OLFM3: variants seen among roughly 807,000 people sequenced by gnomAD.
OLFM3 encodes noelin-3.
In OLFM3, 20 loss-of-function variants were observed where a neutral mutation model predicts 48.6. That is an observed-to-expected ratio of 0.41 (90% CI 0.29 to 0.60). The LOEUF (loss-of-function observed/expected upper bound fraction) is 0.60, where lower values mean the gene tolerates loss of function less well. OLFM3 is among the 20% of genes least tolerant of loss of function. The pLI, the probability that OLFM3 is intolerant of heterozygous loss-of-function variation, is 0.28. For synonymous variants in OLFM3, 222 were observed against 198.1 expected (o/e 1.12, Z -1.01); for missense variants, 437 against 544.3 (o/e 0.80, Z 1.96).
At chr1:101,814,854 T>C (rs919595878) in intron 4 of OLFM3, among the ~76,000 whole-genome samples, 1 of 152,178 alleles carries the variant, frequency 6.6e-6, no homozygotes, top group Non-Finnish European at 1.5e-5. Context: ...GTTAAGTACT[T>C]AAGAAATAAT....
At chr1:101,835,214 G>A (rs1468074422) in intron 2 of OLFM3, among the ~76,000 whole-genome samples, 1 of 152,140 alleles carries the variant, frequency 6.6e-6, no homozygotes, top group African/African-American at 2.4e-5. Flanking sequence ...AAGCAAAATT[G>A]GATGTAAAAG....
At chr1:101,876,739 C>A (rs1054092150) in intron 1 of OLFM3, among the ~76,000 whole-genome samples, 2 of 151,690 alleles carry the variant, frequency 1.3e-5, no homozygotes, top group Non-Finnish European at 2.9e-5. Context: ...ATAATAATCA[C>A]CCTACCTGAA....
rs1657290069 is a variant in OLFM3 at position 101,876,122 on chromosome 1, G to C, written c.70-39097C>G. ...GATGCCTTAGATCAGCAATTCCTAAGGACCTCTCTGTTTAAAATTTATTTT... is the reference window on the plus strand; with the variant it reads ...GATGCCTTAGATCAGCAATTCCTAACGACCTCTCTGTTTAAAATTTATTTT... On this transcript the variant is annotated intron_variant, in intron 1 of 5. Transcript: ENST00000370103. 2.0e-5 allele frequency among the ~76,000 whole-genome samples: 3 copies of C among 152,018 alleles called. 1 individual carries two copies. The South Asian group carries it at 6.2e-4, about 32-fold the overall frequency.
In OLFM3 at chr1:101,839,977, G is replaced by A. The variant is rs186612641; in HGVS notation, c.70-2952C>T. Among the ~76,000 whole-genome samples the A allele has an allele frequency of 1.4e-3, 211 of 152,270 alleles. 1 individual carries two copies. Among genetic ancestry groups the A allele is most frequent in the African/African-American group, 5.0e-3 (206 of 41,560 alleles). The stretch of plus-strand genomic sequence containing the variant: ...GGAAAAAACCTAATAGAAAAGATGA[G>A]TGCTTGACAGTCCTGTGGGTTTTGA... On this transcript the variant is annotated intron_variant, in intron 1 of 5. Coordinates refer to ENST00000370103, the MANE Select transcript of OLFM3 (RefSeq NM_058170.4).
In OLFM3 at chr1:101,805,966, A is replaced by G. The variant is rs528796610; in HGVS notation, c.699+110T>C. The G allele has an allele frequency of 1.9e-5, 12 of 644,346 alleles. No homozygotes were observed. The South Asian group carries it at 2.7e-4, about 14-fold the overall frequency. The allele number at this position is 644,346 out of a possible 1,614,324, so 39.9% of individuals were successfully genotyped here. On this transcript the variant is annotated intron_variant, in intron 5 of 5. Transcript: ENST00000370103. ...AACAGAAAATATTTGCAAATTATGT[A>G]CCAGTTTTCAAGTACAAACAAATAT...
chr1:101,953,804 T>C (rs1165500741), intron 1 of OLFM3, among the ~76,000 whole-genome samples: 1 of 152,094 alleles, frequency 6.6e-6, no homozygotes, highest in Non-Finnish European at 1.5e-5. Context: ...CTGTGACCCA[T>C]GTGTCCAACA....
intron 5 of OLFM3, among the ~76,000 whole-genome samples, chr1:101,805,328 C>T (rs1653718385): frequency 6.6e-6 from 1 of 151,762 alleles, no homozygotes; most frequent in Admixed American, 6.6e-5. Flanking sequence ...AATGTATAGT[C>T]TAGTTTTTCG....
intron 1 of OLFM3, among the ~76,000 whole-genome samples, chr1:101,925,701 T>A (rs998929751): frequency 1.3e-4 from 20 of 151,842 alleles, no homozygotes; most frequent in African/African-American, 4.6e-4. Flanking sequence ...TAATTCTTTT[T>A]TTTTTTTGGT....
At chr1:101,860,310 A>G (rs1656599419) in intron 1 of OLFM3, among the ~76,000 whole-genome samples, 1 of 152,164 alleles carries the variant, frequency 6.6e-6, no homozygotes, top group African/African-American at 2.4e-5. Flanking sequence ...AACTAAAAAA[A>G]TAAAAATAAT....
intron 1 of OLFM3, among the ~76,000 whole-genome samples, chr1:101,978,367 A>T (rs982677442): frequency 1.2e-4 from 19 of 152,120 alleles, no homozygotes; most frequent in African/African-American, 4.6e-4. Flanking sequence ...AGTAAATGAA[A>T]TTTTCAGTAG....
At chr1:101,844,391 T>C (rs990128542) in intron 1 of OLFM3, among the ~76,000 whole-genome samples, 6 of 151,946 alleles carry the variant, frequency 3.9e-5, no homozygotes, top group African/African-American at 1.5e-4. Flanking sequence ...CTGAGCAGGG[T>C]AGTGAGAACC....
chr1:101,959,866 C>T (rs760711881), intron 1 of OLFM3, among the ~76,000 whole-genome samples: 2 of 152,140 alleles, frequency 1.3e-5, no homozygotes, highest in African/African-American at 2.4e-5. Context: ...TTTATAATTT[C>T]CCACGAGAAA....
chr1:101,864,442 C>T (rs1161783128), intron 1 of OLFM3, among the ~76,000 whole-genome samples: 1 of 152,154 alleles, frequency 6.6e-6, no homozygotes, highest in African/African-American at 2.4e-5. Context: ...AAGTAATCTT[C>T]AACTTGAAAG....
chr1:101,995,999 A>G (rs1661546388), intron 1 of OLFM3, among the ~76,000 whole-genome samples: 2 of 152,136 alleles, frequency 1.3e-5, no homozygotes, highest in South Asian at 4.1e-4. Context: ...CTTTTTATCA[A>G]AGGAGTTTAG....
intron 1 of OLFM3, among the ~76,000 whole-genome samples, chr1:101,894,489 A>G (rs941964131): frequency 1.2e-4 from 18 of 152,180 alleles, no homozygotes; most frequent in African/African-American, 3.6e-4. Context: ...TTTAATCCAG[A>G]TAATTTAAAC....
intron 1 of OLFM3, among the ~76,000 whole-genome samples, chr1:101,984,943 A>C (rs988188716): frequency 1.4e-4 from 22 of 152,254 alleles, no homozygotes; most frequent in African/African-American, 4.8e-4. Context: ...TTAGAACAAC[A>C]CAAATTTATT....
At chr1:101,920,098 T>C (rs1245564640) in intron 1 of OLFM3, among the ~76,000 whole-genome samples, 3 of 152,188 alleles carry the variant, frequency 2.0e-5, no homozygotes, top group Admixed American at 2.0e-4. Flanking sequence ...TTACCACCAT[T>C]TATCTCTCAC....
intron 1 of OLFM3, among the ~76,000 whole-genome samples, chr1:101,906,946 G>A (rs1332179967): frequency 6.6e-6 from 1 of 152,086 alleles, no homozygotes; most frequent in Non-Finnish European, 1.5e-5. Context: ...AGAAGTCTTT[G>A]ATTAGGATAA....
chr1:101,845,290 A>T (rs1020411042), intron 1 of OLFM3, among the ~76,000 whole-genome samples: 1 of 152,236 alleles, frequency 6.6e-6, no homozygotes, highest in East Asian at 1.9e-4. Context: ...ACAATTTTTC[A>T]ATCAGTAAGT....
Sources: allele counts gnomAD v4.1 joint callset (sites outside exome capture counted in the v4.1 genomes callset), GRCh38; gene constraint gnomAD v4.1.1; transcripts MANE v1.5; gene names NCBI Gene and HGNC (gene_info 2026-07-23, HGNC 2026-07-21).